Variants in ALG8 observed in about 807,000 individuals in gnomAD.
The protein encoded by ALG8 is dolichyl pyrophosphate Glc1Man9GlcNAc2 alpha-1,3-glucosyltransferase.
ALG8 carries 48 observed loss-of-function variants against 70.2 expected under a neutral mutation model. The ratio of observed to expected loss-of-function variants is 0.68; its 90% CI spans 0.54 to 0.87. The LOEUF (loss-of-function observed/expected upper bound fraction) is 0.87. Ranked by LOEUF, ALG8 falls within the 40% of genes least tolerant of loss-of-function variation. The pLI is 0.00. For synonymous variants in ALG8, 234 were observed against 229.0 expected, an observed-to-expected ratio of 1.02 and a Z score of -0.20; for missense variants, 572 against 608.7, an observed-to-expected ratio of 0.94 and a Z score of 0.64.
At chr11:78,103,224 C>G (rs536356326) in intron 12 of ALG8, among the ~76,000 whole-genome samples, 12 of 152,086 alleles carry the variant, frequency 7.9e-5, no homozygotes, top group Non-Finnish European at 1.6e-4. Context: ...CTATGGGAGG[C>G]CAAGGTAAGT....
intron 5 of ALG8, among the ~76,000 whole-genome samples, chr11:78,117,252 T>G (rs1860616854): frequency 6.6e-6 from 1 of 152,142 alleles, no homozygotes; most frequent in East Asian, 1.9e-4. Flanking sequence ...TCAAGCCTGA[T>G]GGTGTATCAA....
At chr11:78,119,427 A>T (rs11237398) in intron 4 of ALG8, among the ~76,000 whole-genome samples, 178 bp from the exon 5 acceptor site, 3 of 94,174 alleles carry the variant, frequency 3.2e-5, no homozygotes, top group Non-Finnish European at 6.2e-5. Context: ...TTTTTTTTTT[A>T]ATTTTTTTTT....
chr11:78,126,932 A>G (rs1477900389), intron 2 of ALG8, among the ~76,000 whole-genome samples: 5 of 152,196 alleles, frequency 3.3e-5, no homozygotes, highest in Admixed American at 6.6e-5. Flanking sequence ...GACAGAACTG[A>G]GAAGAGACCA....
intron 11 of ALG8, 42 bp from the exon 12 acceptor site, chr11:78,104,094 C>G: frequency 8.0e-7 from 1 of 1,246,464 alleles, no homozygotes; most frequent in Non-Finnish European, 1.2e-6. Flanking sequence ...TAGCTGATGA[C>G]AGAAAGACTT....
chr11:78,139,478 C>T lies in ALG8; in HGVS notation c.95+16G>A, dbSNP rs376357429. 87 of 1,553,210 alleles carry T rather than the reference C, an allele frequency of 5.6e-5. No individual in the cohort carries two copies. The East Asian group carries it at 1.9e-3, about 33-fold the overall frequency. On this transcript the variant is annotated intron_variant, in intron 1 of 12. Coordinates refer to ENST00000299626, the MANE Select transcript of ALG8 (RefSeq NM_024079.5). ...GGGGCCTCCCCGCCCAGCCCCTGGCCGTGCGAGTCCCTTACTATGTGGGGA... is the reference window on the plus strand; with the variant it reads ...GGGGCCTCCCCGCCCAGCCCCTGGCTGTGCGAGTCCCTTACTATGTGGGGA...
intron 12 of ALG8, 40 bp downstream of exon 12, chr11:78,103,940 T>C (rs1311388770): frequency 3.5e-6 from 4 of 1,158,366 alleles, no homozygotes; most frequent in Non-Finnish European, 5.1e-6. Flanking sequence ...TGTAAACATT[T>C]CACAAGAGTA....
chr11:78,139,422 C>T, intron 1 of ALG8, 72 bp downstream of exon 1: 2 of 1,421,698 alleles, frequency 1.4e-6, no homozygotes, highest in Non-Finnish European at 1.9e-6. Context: ...CAGGGATATC[C>T]ACACCTTTCT....
intron 3 of ALG8, among the ~76,000 whole-genome samples, chr11:78,121,694 G>C (rs1023333251): frequency 6.6e-6 from 1 of 152,064 alleles, no homozygotes. Flanking sequence ...AAACCCCAAA[G>C]TAAGGATTTT....
chr11:78,127,938 G>GT (rs1396905622), intron 1 of ALG8, among the ~76,000 whole-genome samples: 4 of 152,060 alleles, frequency 2.6e-5, no homozygotes, highest in Admixed American at 2.0e-4. Context: ...CTGACCTCAG[G>GT]TGATCCACCT....
chr11:78,113,722 CAA>C (rs1434730140), intron 7 of ALG8, among the ~76,000 whole-genome samples, 162 bp downstream of exon 7: 1 of 53,722 alleles, frequency 1.9e-5, no homozygotes, highest in Non-Finnish European at 3.4e-5. Context: ...TAAACAAAAA[CAA>C]AAAAAAAAAA....
intron 1 of ALG8, among the ~76,000 whole-genome samples, chr11:78,128,771 T>C (rs113071595): frequency 0.22 from 33,036 of 151,574 alleles, 4,454 homozygotes; most frequent in African/African-American, 0.38. Context: ...GCACCACGCC[T>C]GGCTAATTTT....
rs1316190927 is a variant in ALG8, at chr11:78,120,957, A to G, written c.478+108T>C. On this transcript the variant is annotated intron_variant, in intron 4 of 12. Transcript: ENST00000299626. ...GAGCCTACTAACCCACCCCACACTC[A>G]TTTTCAGAAGGAGCTCACATCTCCA... is the stretch of plus-strand genomic sequence containing the variant. 4 of 1,091,934 alleles carry G rather than the reference A, an allele frequency of 3.7e-6. No individual in the cohort carries two copies. In the African/African-American group the frequency reaches 6.3e-5, roughly 17 times the overall value. 67.6% of individuals were successfully genotyped at this position (1,091,934 alleles called of 1,614,324 possible). A position where few individuals can be genotyped will look rare whatever the true frequency, so the allele number is the denominator to read the frequency against.
chr11:78,138,913 T>C (rs1453617462), intron 1 of ALG8: 1 of 407,390 alleles, frequency 2.5e-6, no homozygotes, highest in African/African-American at 2.1e-5. Context: ...ATGCTCTGAC[T>C]TCTTTCCTGC....
chr11:78,113,569 C>T (rs2136901519), intron 7 of ALG8, among the ~76,000 whole-genome samples: 1 of 151,930 alleles, frequency 6.6e-6, no homozygotes, highest in African/African-American at 2.4e-5. Flanking sequence ...AAAAATTAGC[C>T]AGGCATGGTG....
chr11:78,136,396 G>A (rs1483886343), intron 1 of ALG8, among the ~76,000 whole-genome samples: 1 of 152,084 alleles, frequency 6.6e-6, no homozygotes, highest in Non-Finnish European at 1.5e-5. Context: ...AAATTAGCTG[G>A]GCATGGTGGC....
intron 8 of ALG8, among the ~76,000 whole-genome samples, chr11:78,112,043 G>A (rs1297286804): frequency 6.6e-6 from 1 of 152,140 alleles, no homozygotes; most frequent in African/African-American, 2.4e-5. Flanking sequence ...AAGCCAAGGT[G>A]GGAGGATCAT....
chr11:78,122,342 A>ATT (rs375214398), intron 3 of ALG8, among the ~76,000 whole-genome samples: 19,145 of 138,828 alleles, frequency 0.14, 1,463 homozygotes, highest in East Asian at 0.28. Flanking sequence ...AGAGATTTCA[A>ATT]TTTTTTTTTT....
intron 1 of ALG8, chr11:78,138,705 C>G (rs1368183635): frequency 2.2e-6 from 1 of 456,256 alleles, no homozygotes; most frequent in Middle Eastern, 3.3e-4. Context: ...ATACTGAGTA[C>G]CTACTGTATA....
chr11:78,108,678 T>C (rs999334663), intron 9 of ALG8, among the ~76,000 whole-genome samples: 1 of 152,224 alleles, frequency 6.6e-6, no homozygotes, highest in Admixed American at 6.5e-5. Context: ...GCTGAAATTT[T>C]AGGAAAAATG....
Sources: gnomAD v4.1 joint callset for allele counts (sites outside exome capture counted in the v4.1 genomes callset) on GRCh38, gnomAD v4.1.1 for gene constraint, MANE v1.5 for transcripts, NCBI Gene and HGNC (gene_info 2026-07-23, HGNC 2026-07-21) for gene names.